GDF1: variants seen among roughly 807,000 people sequenced by gnomAD.
The protein encoded by GDF1 is embryonic growth/differentiation factor 1.
GDF1 carries 8 observed loss-of-function variants against 7.4 expected under a neutral mutation model. The ratio of observed to expected loss-of-function variants is 1.09; its 90% CI spans 0.64 to 1.96. The LOEUF is 1.96. Ranked by LOEUF, GDF1 falls within the 30% of genes most tolerant of loss-of-function variation. GDF1 has a pLI of 0.00. For missense variants in GDF1, 574 were observed against 551.5 expected (o/e 1.04, Z -0.41); for synonymous variants, 311 against 276.7 (o/e 1.12, Z -1.23).
Position 18,883,277 on chromosome 19 carries a change from C to T in GDF1, c.-733+810G>A, listed in dbSNP as rs375891949. 7 of 152,156 alleles carry T rather than the reference C, an allele frequency of 4.6e-5. No homozygotes were observed. The East Asian group carries it at 5.8e-4, about 13-fold the overall frequency. The allele number at this position is 152,156 out of a possible 1,614,324, so 9.4% of individuals were successfully genotyped here. A position where few individuals can be genotyped will look rare whatever the true frequency, so the allele number is the denominator to read the frequency against. ...TTCATTTTAAAGTTTCTATTGGCCA[C>T]ATTTAACAAGAAAGAGAAAAGAACA... On this transcript the variant is annotated intron_variant, in intron 3 of 7. Transcript: ENST00000247005.
intron 2 of GDF1, among the ~76,000 whole-genome samples, chr19:18,891,409 G>A (rs771964533): frequency 6.6e-6 from 1 of 152,160 alleles, no homozygotes; most frequent in Non-Finnish European, 1.5e-5. Flanking sequence ...CATCGCAGAT[G>A]GGGTTTCCTA....
chr19:18,878,013 C>G lies in GDF1; in HGVS notation c.-313+917G>C, dbSNP rs1377100866. 1.0e-6 allele frequency: 1 copy of G among 985,424 alleles called. No homozygotes were observed. The highest frequency in any genetic ancestry group is 1.7e-5 in the African/African-American group (1 of 57,210). The allele number at this position is 985,424 out of a possible 1,614,324, so 61.0% of individuals were successfully genotyped here. On this transcript the variant is annotated intron_variant, in intron 6 of 7. Transcript: ENST00000247005. This position sits in a 1 kb window ranked among gnomAD's most constrained non-coding sequence, Gnocchi z 4.6. ...GGTGGGGGGTCTGACGCTCCTCTGC[C>G]TGGCTACAGCCCCGGATGTGTTAAA... is the stretch of plus-strand genomic sequence containing the variant.
rs764187490 is a variant in GDF1 at position 18,884,140 on chromosome 19, C to A, written c.-786G>T. ...TGAGAGTGACCACGTGGTGGAGCAGCATGACCACCGAGTCCTTGCGCCAGG... is the reference window on the plus strand; with the variant it reads ...TGAGAGTGACCACGTGGTGGAGCAGAATGACCACCGAGTCCTTGCGCCAGG... On this transcript the variant is annotated 5_prime_UTR_variant, in exon 3 of 8. It removes an upstream start codon present in the reference 5' UTR. Transcript: ENST00000247005. 2 of 1,613,600 alleles carry A rather than the reference C, an allele frequency of 1.2e-6. No homozygotes were observed. Among genetic ancestry groups the A allele is most frequent in the South Asian group, 2.2e-5 (2 of 91,008 alleles).
At chr19:18,880,252 C>T in intron 4 of GDF1, 22 bp downstream of exon 4, 1 of 1,534,424 alleles carries the variant, frequency 6.5e-7, no homozygotes, top group Non-Finnish European at 8.8e-7. Context: ...TCCCTCCCTG[C>T]CCAGCACTCC....
At chr19:18,885,877 T>C (rs2056344406) in intron 2 of GDF1, among the ~76,000 whole-genome samples, 1 of 152,040 alleles carries the variant, frequency 6.6e-6, no homozygotes, top group Admixed American at 6.6e-5. Flanking sequence ...TCCCTGCAAA[T>C]CCCTGGCCCT....
At chr19:18,881,710 C>A (rs11665939) in intron 3 of GDF1, 6,354 of 152,474 alleles carry the variant, frequency 0.042, 136 homozygotes, top group East Asian at 0.097. Context: ...ACGTGCTGTC[C>A]CCATGACCCA....
chr19:18,884,116 G>A lies in GDF1; in HGVS notation c.-762C>T. 6.2e-7 allele frequency: 1 copy of A among 1,613,656 alleles called. No homozygotes were observed. The highest frequency in any genetic ancestry group is 1.1e-5 in the South Asian group (1 of 91,000). ...AGGCGTAGGAGGAGACGATGAGGAT[G>A]AGAGTGACCACGTGGTGGAGCAGCA... On this transcript the variant is annotated 5_prime_UTR_variant, in exon 3 of 8. Transcript: ENST00000247005.
rs1489631678 is a variant in GDF1 at position 18,878,640 on chromosome 19, C to T, written c.-313+290G>A. The stretch of plus-strand genomic sequence containing the variant: ...CCACAGGGCCCTGGCTCGCCACTCC[C>T]GCCACACCAGCCACTAGGCCTGGCC... On this transcript the variant is annotated intron_variant, in intron 6 of 7. Coordinates refer to ENST00000247005, the MANE Select transcript of GDF1 (RefSeq NM_001492.6). This position sits in a 1 kb window ranked among gnomAD's most constrained non-coding sequence, Gnocchi z 4.6. 6.5e-6 allele frequency: 8 copies of T among 1,232,554 alleles called. No homozygotes were observed. Among genetic ancestry groups the T allele is most frequent in the South Asian group, 5.6e-5 (3 of 53,410 alleles). The allele number at this position is 1,232,554 out of a possible 1,614,324, so 76.4% of individuals were successfully genotyped here.
intron 2 of GDF1, among the ~76,000 whole-genome samples, chr19:18,887,971 G>C: frequency 6.6e-6 from 1 of 152,056 alleles, no homozygotes; most frequent in Non-Finnish European, 1.5e-5. Context: ...TGAGTGGGAT[G>C]ACTGTAGGAA....
Position 18,868,546 on chromosome 19 carries a change from A to C in GDF1, c.*51T>G. 1 of 1,409,884 alleles carries C rather than the reference A, an allele frequency of 7.1e-7. No individual in the cohort carries two copies. Among genetic ancestry groups the C allele is most frequent in the Non-Finnish European group, 9.8e-7 (1 of 1,022,362 alleles). 87.3% of individuals were successfully genotyped at this position (1,409,884 alleles called of 1,614,324 possible). Reference sequence around the variant, plus strand: ...GCAAGGAGTCCAAGGAGACCAGCGGAGCAGACCACGCGGCATTTATTGTTG... The same window carrying C: ...GCAAGGAGTCCAAGGAGACCAGCGGCGCAGACCACGCGGCATTTATTGTTG... On this transcript the variant is annotated 3_prime_UTR_variant, in exon 8 of 8. Transcript: ENST00000247005.
intron 2 of GDF1, among the ~76,000 whole-genome samples, chr19:18,886,171 C>G (rs552806501): frequency 2.0e-5 from 3 of 150,846 alleles, no homozygotes; most frequent in South Asian, 4.1e-4. Context: ...TTTGAGAGGC[C>G]GAGGCAGGAG....
intron 2 of GDF1, among the ~76,000 whole-genome samples, chr19:18,889,209 AG>A (rs1392960266): frequency 2.0e-5 from 3 of 152,124 alleles, no homozygotes; most frequent in Non-Finnish European, 4.4e-5. Context: ...GCCCTCTTCC[AG>A]AATTTCAATG....
intron 1 of GDF1, among the ~76,000 whole-genome samples, chr19:18,894,581 G>C (rs929849415): frequency 8.5e-5 from 13 of 152,104 alleles, no homozygotes; most frequent in Admixed American, 7.2e-4. Flanking sequence ...CCGCAGGGGT[G>C]GGGGACGGCT....
rs370638755 is a variant in GDF1 at position 18,884,119 on chromosome 19, A to G, written c.-765T>C. ...CGTAGGAGGAGACGATGAGGATGAG[A>G]GTGACCACGTGGTGGAGCAGCATGA... On this transcript the variant is annotated 5_prime_UTR_variant, in exon 3 of 8. Coordinates refer to ENST00000247005, the MANE Select transcript of GDF1 (RefSeq NM_001492.6). 2.5e-6 allele frequency: 4 copies of G among 1,613,394 alleles called. No homozygotes were observed. The highest frequency in any genetic ancestry group is 2.7e-5 in the African/African-American group (2 of 74,864).
At position 18,878,023 on chromosome 19, in the gene GDF1, C is replaced by T. The variant is rs2056094743; in HGVS notation, c.-313+907G>A. 9 of 985,490 alleles carry T rather than the reference C, an allele frequency of 9.1e-6. No individual in the cohort carries two copies. The highest frequency in any genetic ancestry group is 1.1e-5 in the Non-Finnish European group (9 of 829,970). 61.0% of individuals were successfully genotyped at this position (985,490 alleles called of 1,614,324 possible). On this transcript the variant is annotated intron_variant, in intron 6 of 7. Transcript: ENST00000247005. This position sits in a 1 kb window ranked among gnomAD's most constrained non-coding sequence, Gnocchi z 4.6. ...CTGACGCTCCTCTGCCTGGCTACAG[C>T]CCCGGATGTGTTAAATGTCTGCATC...
rs113080020 is a variant in GDF1 at position 18,878,037 on chromosome 19, A to C, written c.-313+893T>G. 1.5e-4 allele frequency: 143 copies of C among 985,432 alleles called. No individual in the cohort carries two copies. In the African/African-American group the frequency reaches 1.8e-3, roughly 13 times the overall value. The allele number at this position is 985,432 out of a possible 1,614,324, so 61.0% of individuals were successfully genotyped here. On this transcript the variant is annotated intron_variant, in intron 6 of 7. Coordinates refer to ENST00000247005, the MANE Select transcript of GDF1 (RefSeq NM_001492.6). This position sits in a 1 kb window ranked among gnomAD's most constrained non-coding sequence, Gnocchi z 4.6. ...CCTGGCTACAGCCCCGGATGTGTTA[A>C]ATGTCTGCATCTCGCACCTCCCGTT...
At chr19:18,883,106 A>T (rs1482582641) in intron 3 of GDF1, 2 of 152,228 alleles carry the variant, frequency 1.3e-5, no homozygotes, top group Non-Finnish European at 2.9e-5. Flanking sequence ...GACTACAGGC[A>T]TGAGCTACTG....
chr19:18,876,395 C>G (rs1421223485), intron 6 of GDF1, among the ~76,000 whole-genome samples: 3 of 151,928 alleles, frequency 2.0e-5, no homozygotes, highest in African/African-American at 7.3e-5. Flanking sequence ...CTCTGTTGCT[C>G]TGGAGTATAG....
At chr19:18,875,486 T>C (rs1398369815) in intron 6 of GDF1, among the ~76,000 whole-genome samples, 1 of 149,360 alleles carries the variant, frequency 6.7e-6, no homozygotes, top group Non-Finnish European at 1.5e-5. Flanking sequence ...GAGGTTGCAG[T>C]GAGCTGAGAT....
Sources: gnomAD v4.1 joint callset for allele counts (sites outside exome capture counted in the v4.1 genomes callset) on GRCh38, gnomAD v4.1.1 for gene constraint, Gnocchi (gnomAD v3.1) non-coding constraint, MANE v1.5 for transcripts, NCBI Gene and HGNC (gene_info 2026-07-23, HGNC 2026-07-21) for gene names.